Variants in TSSK4 observed in about 807,000 individuals in gnomAD.
The protein encoded by TSSK4 is testis-specific serine/threonine-protein kinase 4.
TSSK4 carries 22 observed loss-of-function variants against 28.5 expected under a neutral mutation model. That is an observed-to-expected ratio of 0.77 (90% CI 0.55 to 1.10). The LOEUF is 1.10. Among genes scored for constraint, TSSK4 ranks in the 50% least tolerant of loss-of-function variants. The pLI is 0.00. For missense variants in TSSK4, 329 were observed against 415.4 expected, an observed-to-expected ratio of 0.79 and a Z score of 1.81; for synonymous variants, 151 against 158.3, an observed-to-expected ratio of 0.95 and a Z score of 0.35.
chr14:24,207,566 A>G, intron 3 of TSSK4, 57 bp downstream of exon 3: 1 of 1,536,762 alleles, frequency 6.5e-7, no homozygotes, highest in South Asian at 1.3e-5. Flanking sequence ...GGAGGGGTGA[A>G]TATCCAACCT....
rs2039505821 is a variant in TSSK4 at position 24,205,774 on chromosome 14, T to A, written c.-150T>A. The A allele has an allele frequency of 3.2e-6, 2 of 620,674 alleles. No individual in the cohort carries two copies. Among genetic ancestry groups the A allele is most frequent in the Middle Eastern group, 4.3e-4 (1 of 2,304 alleles). 38.4% of individuals were successfully genotyped at this position (620,674 alleles called of 1,614,324 possible). Reference sequence around the variant, plus strand: ...TCCAAGTTCCTAGTGGAGGGCTGAGTCCAGCATCCCAGACTCGTGTGACTA... The same window carrying A: ...TCCAAGTTCCTAGTGGAGGGCTGAGACCAGCATCCCAGACTCGTGTGACTA... On this transcript the variant is annotated 5_prime_UTR_variant, in exon 1 of 4. Coordinates refer to ENST00000339917, the MANE Select transcript of TSSK4 (RefSeq NM_001184739.2).
rs761619135 is a variant in TSSK4, at chr14:24,206,651, C to T, written c.368C>T (p.Pro123Leu). 7 of 1,614,214 alleles carry T rather than the reference C, an allele frequency of 4.3e-6. No individual in the cohort carries two copies. Among genetic ancestry groups the T allele is most frequent in the Non-Finnish European group, 4.2e-6 (5 of 1,180,034 alleles). Reference sequence around the variant, plus strand: ...CAGCGCTACGGGGCCTGCTCTGAGCCCCTTGCTGGCAAGTGGTTCTCCCAG... The same window carrying T: ...CAGCGCTACGGGGCCTGCTCTGAGCTCCTTGCTGGCAAGTGGTTCTCCCAG... The part of the protein sequence containing the change: ...WIQRYGACSE[P>L]LAGKWFSQLT... The change falls in exon 2 of 4, where the codon CCC becomes CTC. Residue 123 changes from proline (P) to leucine (L), a missense_variant. By Grantham distance (98) the Pro-to-Leu change is moderately conservative. Around this residue, in one of 3 missense-constraint regions of TSSK4, gnomAD observed 175 missense variants for 196.0 expected, o/e 0.89. Coordinates refer to ENST00000339917, the MANE Select transcript of TSSK4 (RefSeq NM_001184739.2).
chr14:24,206,420 C>A, intron 1 of TSSK4, 89 bp from the exon 2 acceptor site: 1 of 1,413,126 alleles, frequency 7.1e-7, no homozygotes, highest in South Asian at 1.2e-5. Context: ...TTGCAAAGTC[C>A]TAAGTCAGTA....
Position 24,206,603 on chromosome 14 carries a change from G to A in TSSK4, c.320G>A (p.Gly107Asp). The stretch of plus-strand genomic sequence containing the variant: ...TACATCATTCTGGAACTGGCTCAGG[G>A]TGGTGATGTCCTTGAATGGATCCAG... ...RVYIILELAQGGDVLEWIQRY... is the reference protein window; with the variant it reads ...RVYIILELAQDGDVLEWIQRY... Residue 107 changes from glycine (G) to aspartate (D), a missense_variant, in exon 2 of 4, where the codon GGT (glycine) becomes GAT (aspartate). Transcript: ENST00000339917. 1.2e-6 allele frequency: 2 copies of A among 1,614,238 alleles called. No individual in the cohort carries two copies. The highest frequency in any genetic ancestry group is 1.7e-6 in the Non-Finnish European group (2 of 1,180,034).
chr14:24,208,145 G>A lies in TSSK4; in HGVS notation c.1016G>A (p.Ter339=). The part of the protein sequence containing the change: ...KQHQSLQITT[*] ...CACCAATCCTTGCAAATTACGACCT[G>A]AAAATGGCTGAGGGAGGGGGCTAAG... Residue 339 remains the stop codon, a stop_retained_variant, in exon 4 of 4, where the codon TGA becomes TAA. Transcript: ENST00000339917. 6.3e-7 allele frequency: 1 copy of A among 1,598,708 alleles called. No homozygotes were observed. The highest frequency in any genetic ancestry group is 8.6e-7 in the Non-Finnish European group (1 of 1,167,922).
Position 24,207,406 on chromosome 14 carries a change from TC to T in TSSK4, c.732del (p.Ala245ProfsTer14). The T allele has an allele frequency of 6.2e-7, 1 of 1,614,178 alleles. No homozygotes were observed. Among genetic ancestry groups the T allele is most frequent in the South Asian group, 1.1e-5 (1 of 91,086 alleles). On this transcript the variant is annotated frameshift_variant, in exon 3 of 4. Coordinates refer to ENST00000339917, the MANE Select transcript of TSSK4 (RefSeq NM_001184739.2). LOFTEE classifies it high-confidence loss of function. ...SMGVILYTLV[V>X]AHLPFDDTNL... ...GGCGTCATCCTTTACACTCTAGTGG[TC>T]GCCCATCTGCCCTTTGATGACACCA... is the stretch of plus-strand genomic sequence containing the variant.
Position 24,207,467 on chromosome 14 carries a change from G to A in TSSK4, c.792G>A (p.Glu264=), listed in dbSNP as rs771147176. The A allele has an allele frequency of 3.7e-6, 6 of 1,613,578 alleles. No homozygotes were observed. Residue 264 remains glutamate, a synonymous_variant, in exon 3 of 4, where the codon GAG becomes GAA. Coordinates refer to ENST00000339917, the MANE Select transcript of TSSK4 (RefSeq NM_001184739.2). The part of the protein sequence containing the change: ...LKKLLRETQK[E]VTFPANHTIS... Reference sequence around the variant, plus strand: ...AGCTGCTAAGAGAGACTCAGAAGGAGGTCACTTTCCCAGCTAACCATACCA... The same window carrying A: ...AGCTGCTAAGAGAGACTCAGAAGGAAGTCACTTTCCCAGCTAACCATACCA...
At position 24,207,966 on chromosome 14, in the gene TSSK4, C is replaced by A. The variant is rs777217794; in HGVS notation, c.837C>A (p.Asn279Lys). The A allele has an allele frequency of 2.5e-6, 4 of 1,614,094 alleles. No individual in the cohort carries two copies. Among genetic ancestry groups the A allele is most frequent in the Middle Eastern group, 1.7e-4 (1 of 6,058 alleles). Residue 279 changes from asparagine (N) to lysine (K), a missense_variant and splice_region_variant, in exon 4 of 4, where the codon AAC (asparagine) becomes AAA (lysine). By Grantham distance (94) the Asn-to-Lys change is moderately conservative. Transcript: ENST00000339917. ...GACCTCTCTCTCCCCTGCTCTAGAA[C>A]CTGATCCTCCAGATGCTACGCCAAG... The part of the protein sequence containing the change: ...ANHTISQECK[N>K]LILQMLRQAT...
At position 24,207,388 on chromosome 14, in the gene TSSK4, T is replaced by A; in HGVS notation, c.713T>A (p.Ile238Asn). ...FLSDTWSMGV[I>N]LYTLVVAHLP... ...TCTGACACCTGGAGCATGGGCGTCA[T>A]CCTTTACACTCTAGTGGTCGCCCAT... Residue 238 changes from isoleucine to asparagine, a missense_variant, in exon 3 of 4, where the codon ATC becomes AAC. This residue lies in a region of TSSK4 where 139 missense variants were observed against 178.1 expected (regional missense o/e 0.78). Coordinates refer to ENST00000339917, the MANE Select transcript of TSSK4 (RefSeq NM_001184739.2). 6.2e-7 allele frequency: 1 copy of A among 1,614,134 alleles called. No homozygotes were observed. Among genetic ancestry groups the A allele is most frequent in the Non-Finnish European group, 8.5e-7 (1 of 1,180,030 alleles).
Position 24,206,096 on chromosome 14 carries a change from A to G in TSSK4, c.173A>G (p.Lys58Arg). Residue 58 changes from lysine to arginine, a missense_variant, in exon 1 of 4, where the codon AAG becomes AGG. Around this residue, in one of 3 missense-constraint regions of TSSK4, gnomAD observed 175 missense variants for 196.0 expected, o/e 0.89. Transcript: ENST00000339917. The stretch of plus-strand genomic sequence containing the variant: ...ATGGTGGCAGTCAAGATCATCTCAA[A>G]GAAGAAGGCCTCTGATGACTATCTT... ...KVMVAVKIISKKKASDDYLNK... is the reference protein window; with the variant it reads ...KVMVAVKIISRKKASDDYLNK... 4.3e-6 allele frequency: 7 copies of G among 1,614,118 alleles called. No individual in the cohort carries two copies. Among genetic ancestry groups the G allele is most frequent in the Admixed American group, 1.7e-5 (1 of 60,016 alleles).
chr14:24,205,832 T>C lies in TSSK4; in HGVS notation c.-92T>C. On this transcript the variant is annotated 5_prime_UTR_variant, in exon 1 of 4. Coordinates refer to ENST00000339917, the MANE Select transcript of TSSK4 (RefSeq NM_001184739.2). ...AAGCATTTGGGGACCTACTTCACTT[T>C]GATACCCTAGCCTTCAGCAGCTCAA... 1 of 973,324 alleles carries C rather than the reference T, an allele frequency of 1.0e-6. No homozygotes were observed. Among genetic ancestry groups the C allele is most frequent in the Admixed American group, 1.9e-5 (1 of 51,450 alleles). The allele number at this position is 973,324 out of a possible 1,614,324, so 60.3% of individuals were successfully genotyped here. A position where few individuals can be genotyped will look rare whatever the true frequency, so the allele number is the denominator to read the frequency against.
At position 24,207,877 on chromosome 14, in the gene TSSK4, C is replaced by T. The variant is rs533472031; in HGVS notation, c.835-87C>T. On this transcript the variant is annotated intron_variant, in intron 3 of 3. Transcript: ENST00000339917. ...GACCAGAGTGGTATGATGGGCTATC[C>T]TGCTTCTTTCTTAGGTCCAACTGCT... 6.2e-6 allele frequency: 10 copies of T among 1,605,198 alleles called. No homozygotes were observed. In the East Asian group the frequency reaches 2.0e-4, roughly 32 times the overall value.
rs2039551384 is a variant in TSSK4 at position 24,207,998 on chromosome 14, A to C, written c.869A>C (p.Lys290Thr). The C allele has an allele frequency of 6.2e-7, 1 of 1,614,064 alleles. No individual in the cohort carries two copies. The highest frequency in any genetic ancestry group is 8.5e-7 in the Non-Finnish European group (1 of 1,180,040). The change falls in exon 4 of 4, where the codon AAG (lysine) becomes ACG (threonine). Residue 290 changes from lysine to threonine, a missense_variant. Coordinates refer to ENST00000339917, the MANE Select transcript of TSSK4 (RefSeq NM_001184739.2). ...LILQMLRQAT[K>T]RATILDIIKD... Reference sequence around the variant, plus strand: ...CTCCAGATGCTACGCCAAGCCACTAAGCGTGCCACCATTCTGGACATCATC... The same window carrying C: ...CTCCAGATGCTACGCCAAGCCACTACGCGTGCCACCATTCTGGACATCATC...
intron 3 of TSSK4, 170 bp from the exon 4 acceptor site, chr14:24,207,794 C>T (rs2039546795): frequency 7.7e-7 from 1 of 1,306,462 alleles, no homozygotes; most frequent in Non-Finnish European, 1.1e-6. Context: ...TCTTCCCTTC[C>T]CCTCCAGGGA....
rs138886334 is a variant in TSSK4, at chr14:24,207,116, C to T, written c.441C>T (p.Arg147=). ...GTCTAAAACTAAGCCCTCTCCCCAG[C>T]CTGATGCCCAGCCTTTCTGCTGCTG... ...AYLHSKSIVH[R]LMPSLSAAGR... The change falls in exon 3 of 4, where the codon CGC becomes CGT. Residue 147 remains arginine (R), a splice_region_variant and synonymous_variant. Coordinates refer to ENST00000339917, the MANE Select transcript of TSSK4 (RefSeq NM_001184739.2). 1 of 1,605,198 alleles carries T rather than the reference C, an allele frequency of 6.2e-7. No individual in the cohort carries two copies. Among genetic ancestry groups the T allele is most frequent in the Non-Finnish European group, 8.5e-7 (1 of 1,180,000 alleles).
At chr14:24,206,269 C>T in intron 1 of TSSK4, 121 bp downstream of exon 1, 2 of 978,480 alleles carry the variant, frequency 2.0e-6, no homozygotes, top group East Asian at 4.9e-5. Flanking sequence ...TGAAATGTCT[C>T]ACTAAGCAGC....
rs961300023 is a variant in TSSK4, at chr14:24,207,399, C to T, written c.724C>T (p.Leu242=). ...GAGCATGGGCGTCATCCTTTACACTCTAGTGGTCGCCCATCTGCCCTTTGA... is the reference window on the plus strand; with the variant it reads ...GAGCATGGGCGTCATCCTTTACACTTTAGTGGTCGCCCATCTGCCCTTTGA... ...TWSMGVILYT[L]VVAHLPFDDT... The change falls in exon 3 of 4, where the codon CTA becomes TTA. Residue 242 remains leucine (L), a synonymous_variant. Transcript: ENST00000339917. 2 of 1,614,190 alleles carry T rather than the reference C, an allele frequency of 1.2e-6. No homozygotes were observed.
At chr14:24,206,953 G>C (rs1566656733) in intron 2 of TSSK4, 163 bp from the exon 3 acceptor site, 1 of 1,074,246 alleles carries the variant, frequency 9.3e-7, no homozygotes, top group Non-Finnish European at 1.4e-6. Flanking sequence ...ACCATCCTCT[G>C]TCTCTCTCCC....
In TSSK4 at chr14:24,208,199, A is replaced by G; in HGVS notation, c.*53A>G. 6.6e-7 allele frequency: 1 copy of G among 1,505,222 alleles called. No homozygotes were observed. The highest frequency in any genetic ancestry group is 8.9e-7 in the Non-Finnish European group (1 of 1,126,238). 93.2% of individuals were successfully genotyped at this position (1,505,222 alleles called of 1,614,324 possible). A position where few individuals can be genotyped will look rare whatever the true frequency, so the allele number is the denominator to read the frequency against. On this transcript the variant is annotated 3_prime_UTR_variant, in exon 4 of 4. Transcript: ENST00000339917. ...GGAGCAAAGCAGGAGGTCTTGGGCT[A>G]AAAATCTTTTTTACCAAAAATAAAT... is the stretch of plus-strand genomic sequence containing the variant.
Sources: allele counts gnomAD v4.1 joint callset, GRCh38; gene constraint gnomAD v4.1.1; regional missense constraint gnomAD v4.1.1; transcripts MANE v1.5; gene names NCBI Gene and HGNC (gene_info 2026-07-23, HGNC 2026-07-21).